Variants in RYR2 observed in about 807,000 individuals in gnomAD.
The protein encoded by RYR2 is cardiac muscle ryanodine receptor-calcium release channel.
RYR2 carries 227 observed loss-of-function variants against 601.1 expected under a neutral mutation model. The observed-to-expected ratio is 0.38, with a 90% CI of 0.34 to 0.42. The LOEUF is 0.42. Ranked by LOEUF, RYR2 falls within the 10% of genes least tolerant of loss-of-function variation. The pLI, the probability that RYR2 is intolerant of heterozygous loss-of-function variation, is 1.00. For missense variants in RYR2, 4,646 were observed against 6,156.5 expected (o/e 0.75, Z 8.21); for synonymous variants, 2,223 against 2,175.1 (o/e 1.02, Z -0.61).
At chr1:237,673,312 T>C (rs1558192029) in intron 58 of RYR2, among the ~76,000 whole-genome samples, 1 of 152,184 alleles carries the variant, frequency 6.6e-6, no homozygotes, top group Non-Finnish European at 1.5e-5. Context: ...AAATTAACAG[T>C]TTAATTTTTT....
intron 42 of RYR2, among the ~76,000 whole-genome samples, chr1:237,632,389 C>CTTTTTT (rs11448751): frequency 1.0e-4 from 13 of 127,364 alleles, no homozygotes; most frequent in East Asian, 2.4e-4. Context: ...AAAGTGAATT[C>CTTTTTT]TTTTTTTTTT....
At chr1:237,146,737 A>G in intron 1 of RYR2, among the ~76,000 whole-genome samples, 1 of 152,060 alleles carries the variant, frequency 6.6e-6, no homozygotes, top group East Asian at 1.9e-4. Flanking sequence ...GTGTTCATCT[A>G]TTTCCAGAAT....
intron 63 of RYR2, among the ~76,000 whole-genome samples, chr1:237,695,503 A>G (rs917870108): frequency 1.3e-5 from 2 of 152,148 alleles, no homozygotes; most frequent in African/African-American, 4.8e-5. Context: ...ACCCAGAGCA[A>G]TGAATCAATT....
chr1:237,388,191 C>T lies in RYR2; in HGVS notation c.773+8C>T, dbSNP rs1394250066. 1 of 1,610,892 alleles carries T rather than the reference C, an allele frequency of 6.2e-7. No homozygotes were observed. The highest frequency in any genetic ancestry group is 8.5e-7 in the Non-Finnish European group (1 of 1,177,802). ...TGGTGAAGAGCAGCGGAGGTTAGTA[C>T]CTGAGCTCATTGCATTGAGACTTGC... is the stretch of plus-strand genomic sequence containing the variant. On this transcript the variant is annotated splice_region_variant and intron_variant, in intron 10 of 104. Transcript: ENST00000366574.
chr1:237,568,327 C>T (rs1478856165), intron 28 of RYR2, among the ~76,000 whole-genome samples: 14 of 152,040 alleles, frequency 9.2e-5, no homozygotes, highest in African/African-American at 1.9e-4. Context: ...GGTAACGTAC[C>T]GATTCACAAT....
At chr1:237,785,195 C>G (rs1199174401) in intron 90 of RYR2, among the ~76,000 whole-genome samples, 2 of 152,176 alleles carry the variant, frequency 1.3e-5, no homozygotes, top group African/African-American at 4.8e-5. Context: ...AGTACCCACC[C>G]TAACTGTAGC....
chr1:237,737,814 A>G (rs1301123461), intron 79 of RYR2, among the ~76,000 whole-genome samples: 2 of 152,100 alleles, frequency 1.3e-5, no homozygotes, highest in Admixed American at 1.3e-4. Flanking sequence ...TAAAACTCAT[A>G]TTTCTCATCT....
At chr1:237,482,748 C>A (rs544089828) in intron 17 of RYR2, among the ~76,000 whole-genome samples, 1 of 152,168 alleles carries the variant, frequency 6.6e-6, no homozygotes, top group African/African-American at 2.4e-5. Flanking sequence ...CATAGTAGCT[C>A]AATTTTTAGT....
intron 1 of RYR2, among the ~76,000 whole-genome samples, chr1:237,185,343 C>T (rs570444675): frequency 2.0e-5 from 3 of 152,260 alleles, no homozygotes; most frequent in African/African-American, 7.2e-5. Flanking sequence ...CACTATTTTA[C>T]AGGCAGTGTT....
At chr1:237,093,191 A>G (rs1411837046) in intron 1 of RYR2, among the ~76,000 whole-genome samples, 1 of 152,234 alleles carries the variant, frequency 6.6e-6, no homozygotes. Context: ...CTTATTGGAC[A>G]GCAGTGATTC....
intron 1 of RYR2, among the ~76,000 whole-genome samples, chr1:237,138,938 T>C (rs1308713511): frequency 6.6e-6 from 1 of 152,216 alleles, no homozygotes; most frequent in African/African-American, 2.4e-5. Flanking sequence ...CATACACTGC[T>C]GGGGACCTGG....
intron 1 of RYR2, among the ~76,000 whole-genome samples, chr1:237,238,100 T>G (rs909209753): frequency 2.0e-5 from 3 of 151,678 alleles, no homozygotes; most frequent in African/African-American, 7.3e-5. Flanking sequence ...ACCACAGGTG[T>G]GGTCCACACC....
intron 17 of RYR2, chr1:237,471,083 T>C (rs1297525157): frequency 6.5e-6 from 1 of 154,514 alleles, no homozygotes; most frequent in Admixed American, 6.5e-5. Context: ...GAAGGCTGGC[T>C]GCTCCACCCT....
chr1:237,114,752 T>C lies in RYR2; in HGVS notation c.48+72183T>C, dbSNP rs114704558. Among the ~76,000 whole-genome samples, 587 of 152,300 alleles carry C rather than the reference T, an allele frequency of 3.9e-3. 5 individuals carry two copies. Among genetic ancestry groups the C allele is most frequent in the African/African-American group, 0.014 (569 of 41,566 alleles). On this transcript the variant is annotated intron_variant, in intron 1 of 104. Coordinates refer to ENST00000366574, the MANE Select transcript of RYR2 (RefSeq NM_001035.3). ...ACTGCCTGGCTTCACATCCCAGCCC[T>C]ACCACCTTTTAACTAGTGTACTGAC...
chr1:237,535,822 A>G (rs1386010149), intron 25 of RYR2, among the ~76,000 whole-genome samples: 1 of 152,238 alleles, frequency 6.6e-6, no homozygotes, highest in Non-Finnish European at 1.5e-5. Context: ...TGCTTAATAA[A>G]GACGAAAATT....
intron 1 of RYR2, among the ~76,000 whole-genome samples, chr1:237,072,158 G>A (rs947168651): frequency 1.3e-5 from 2 of 152,154 alleles, no homozygotes; most frequent in Non-Finnish European, 2.9e-5. Context: ...AGCAGGGCAC[G>A]GGGGTCCTGC....
intron 60 of RYR2, among the ~76,000 whole-genome samples, chr1:237,676,012 C>T (rs775813022): frequency 3.9e-5 from 6 of 152,108 alleles, no homozygotes; most frequent in Non-Finnish European, 5.9e-5. Flanking sequence ...TATCCTGATA[C>T]GTAGCCAAAT....
chr1:237,394,006 A>G (rs1702607998), intron 10 of RYR2, among the ~76,000 whole-genome samples: 2 of 152,254 alleles, frequency 1.3e-5, no homozygotes, highest in African/African-American at 4.8e-5. Context: ...TTTAGAGTAT[A>G]TGAATAGAAA....
At chr1:237,554,488 A>G (rs568771307) in intron 27 of RYR2, among the ~76,000 whole-genome samples, 8 of 152,046 alleles carry the variant, frequency 5.3e-5, no homozygotes, top group South Asian at 2.1e-4. Context: ...TTTGATATCA[A>G]TGTAAATCTA....
Sources: allele counts gnomAD v4.1 joint callset (sites outside exome capture counted in the v4.1 genomes callset), GRCh38; gene constraint gnomAD v4.1.1; transcripts MANE v1.5; gene names NCBI Gene and HGNC (gene_info 2026-07-23, HGNC 2026-07-21).